Variants in BMI1 observed in about 807,000 individuals in gnomAD.
The protein encoded by BMI1 is BMI1 proto-oncogene, polycomb ring finger, also known as polycomb complex protein BMI-1.
Under a neutral mutation model 39.1 loss-of-function variants are expected in BMI1, and 9 were observed. The ratio of observed to expected loss-of-function variants is 0.23; its 90% CI spans 0.14 to 0.40. BMI1 has a LOEUF of 0.40. BMI1 is among the 10% of genes least tolerant of loss of function. The probability of loss-of-function intolerance (pLI) is 1.00; values close to 1 mark genes in which losing one functional copy is unlikely to be tolerated. For missense variants in BMI1, 252 were observed against 390.8 expected (o/e 0.64, Z 2.99); for synonymous variants, 131 against 127.9 (o/e 1.02, Z -0.16).
chr10:22,326,742 C>T, intron 2 of BMI1, 148 bp from the exon 3 acceptor site: 2 of 1,283,574 alleles, frequency 1.6e-6, no homozygotes, highest in Non-Finnish European at 2.1e-6. Context: ...TACAAGCATG[C>T]AATATATGTG....
Position 22,329,602 on chromosome 10 carries a change from C to T in BMI1, c.*60C>T. 2.6e-6 allele frequency: 4 copies of T among 1,535,082 alleles called. No homozygotes were observed. The highest frequency in any genetic ancestry group is 2.3e-5 in the East Asian group (1 of 44,274). On this transcript the variant is annotated 3_prime_UTR_variant, in exon 10 of 10. Transcript: ENST00000376663. ...CCTGATTTATATAGATATCTTCATG[C>T]CATTACAGCTTTCTAGATGCTAATA...
chr10:22,328,312 G>T (rs780596212), intron 7 of BMI1, 133 bp downstream of exon 7: 2 of 987,166 alleles, frequency 2.0e-6, no homozygotes, highest in Non-Finnish European at 2.8e-6. Flanking sequence ...TTTAAGAAAG[G>T]TCTACATGTG....
chr10:22,329,749 T>A lies in BMI1; in HGVS notation c.*207T>A. On this transcript the variant is annotated 3_prime_UTR_variant, in exon 10 of 10. Transcript: ENST00000376663. ...AAAGAAAGATTGTTGTTATAAAGAA[T>A]TGGTTTCTTGGAAAGCAGGCAAGAC... The A allele has an allele frequency of 1.6e-6, 1 of 616,000 alleles. No individual in the cohort carries two copies. The highest frequency in any genetic ancestry group is 2.7e-6 in the Non-Finnish European group (1 of 376,016). The allele number at this position is 616,000 out of a possible 1,614,324, so 38.2% of individuals were successfully genotyped here. A position where few individuals can be genotyped will look rare whatever the true frequency, so the allele number is the denominator to read the frequency against.
At position 22,329,774 on chromosome 10, in the gene BMI1, C is replaced by T; in HGVS notation, c.*232C>T. 1.9e-6 allele frequency: 1 copy of T among 536,798 alleles called. No individual in the cohort carries two copies. The highest frequency in any genetic ancestry group is 1.9e-5 in the African/African-American group (1 of 52,734). 33.3% of individuals were successfully genotyped at this position (536,798 alleles called of 1,614,324 possible). On this transcript the variant is annotated 3_prime_UTR_variant, in exon 10 of 10. Coordinates refer to ENST00000376663, the MANE Select transcript of BMI1 (RefSeq NM_005180.9). ...TTGGTTTCTTGGAAAGCAGGCAAGACTTTTTCTCTGTGTTAGGAAAGATGG... is the reference window on the plus strand; with the variant it reads ...TTGGTTTCTTGGAAAGCAGGCAAGATTTTTTCTCTGTGTTAGGAAAGATGG...
At chr10:22,326,292 C>A in intron 1 of BMI1, 139 bp from the exon 2 acceptor site, 1 of 1,168,212 alleles carries the variant, frequency 8.6e-7, no homozygotes, top group Non-Finnish European at 1.2e-6. Flanking sequence ...TGAGTAAATT[C>A]CTTCTGTAGA....
chr10:22,322,844 G>C (rs1383937901), intron 1 of BMI1, among the ~76,000 whole-genome samples: 5 of 152,228 alleles, frequency 3.3e-5, no homozygotes, highest in African/African-American at 4.8e-5. Flanking sequence ...GGGCTTGACA[G>C]TGATATGGCA....
intron 1 of BMI1, among the ~76,000 whole-genome samples, chr10:22,323,865 G>A (rs918643058): frequency 3.9e-5 from 6 of 152,202 alleles, no homozygotes; most frequent in Non-Finnish European, 8.8e-5. Flanking sequence ...ATCTTATCAA[G>A]CACGTCAAAC....
In BMI1 at chr10:22,321,316, G is replaced by C. The variant is rs1414989036; in HGVS notation, c.-400G>C. 1.3e-5 allele frequency: 2 copies of C among 153,194 alleles called. No homozygotes were observed. The highest frequency in any genetic ancestry group is 3.9e-4 in the East Asian group (2 of 5,114). 9.5% of individuals were successfully genotyped at this position (153,194 alleles called of 1,614,324 possible). On this transcript the variant is annotated 5_prime_UTR_variant, in exon 1 of 10. Coordinates refer to ENST00000376663, the MANE Select transcript of BMI1 (RefSeq NM_005180.9). The stretch of plus-strand genomic sequence containing the variant: ...CGGCTTAGCAGCACCTCCCAGCCCC[G>C]CAGAATAAAACCGATCGCGCCCCCT...
chr10:22,326,337 G>T, intron 1 of BMI1, 94 bp from the exon 2 acceptor site: 3 of 1,527,712 alleles, frequency 2.0e-6, no homozygotes, highest in African/African-American at 1.4e-5. Context: ...AGTGTTAAAT[G>T]AGTTTTATAA....
rs1836260439 is a variant in BMI1 at position 22,330,520 on chromosome 10, G to A, written c.*978G>A. The stretch of plus-strand genomic sequence containing the variant: ...CATGTTTACTTTAAAGATTGTTGCA[G>A]TGAAGAAAAACCTTTAACTGAGAAA... On this transcript the variant is annotated 3_prime_UTR_variant, in exon 10 of 10. Transcript: ENST00000376663. 1 of 152,186 alleles carries A rather than the reference G, an allele frequency of 6.6e-6. No individual in the cohort carries two copies. Among genetic ancestry groups the A allele is most frequent in the Non-Finnish European group, 1.5e-5 (1 of 68,012 alleles). 9.4% of individuals were successfully genotyped at this position (152,186 alleles called of 1,614,324 possible). A position where few individuals can be genotyped will look rare whatever the true frequency, so the allele number is the denominator to read the frequency against.
In BMI1 at chr10:22,330,711, TTTTAAA is replaced by T. The variant is rs1361604795; in HGVS notation, c.*1175_*1180del. ...ATTTTAATAGGTGGTATAGCAGTAATTTTAAATTTAAGAGTTGCTTTTACAGTTAAC... is the reference window on the plus strand; with the variant it reads ...ATTTTAATAGGTGGTATAGCAGTAATTTTAAGAGTTGCTTTTACAGTTAAC... On this transcript the variant is annotated 3_prime_UTR_variant, in exon 10 of 10. Coordinates refer to ENST00000376663, the MANE Select transcript of BMI1 (RefSeq NM_005180.9). The T allele has an allele frequency of 5.2e-5, 8 of 152,510 alleles. No homozygotes were observed. The highest frequency in any genetic ancestry group is 2.1e-4 in the South Asian group (1 of 4,834). 9.4% of individuals were successfully genotyped at this position (152,510 alleles called of 1,614,324 possible).
chr10:22,324,466 C>G (rs947014613), intron 1 of BMI1, among the ~76,000 whole-genome samples: 1 of 152,202 alleles, frequency 6.6e-6, no homozygotes. Flanking sequence ...ACAATATTCT[C>G]CAAAACAAGT....
At chr10:22,328,911 T>G in intron 8 of BMI1, 137 bp from the exon 9 acceptor site, 1 of 1,072,858 alleles carries the variant, frequency 9.3e-7, no homozygotes. Flanking sequence ...TTTTCTCATT[T>G]GAAGTTTCAG....
chr10:22,324,286 A>G (rs1836078278), intron 1 of BMI1, among the ~76,000 whole-genome samples: 1 of 152,230 alleles, frequency 6.6e-6, no homozygotes, highest in Non-Finnish European at 1.5e-5. Flanking sequence ...TCAGCTTGCT[A>G]TCTTTCTAGG....
At chr10:22,327,543 T>G (rs1163427516) in intron 3 of BMI1, 52 bp from the exon 4 acceptor site, 14 of 1,511,706 alleles carry the variant, frequency 9.3e-6, no homozygotes, top group Non-Finnish European at 1.3e-5. Context: ...TTATGAACAT[T>G]TTTAGTTCTT....
In BMI1 at chr10:22,326,921, G is replaced by A; in HGVS notation, c.144G>A (p.Glu48=). 6.2e-7 allele frequency: 1 copy of A among 1,614,024 alleles called. No homozygotes were observed. The highest frequency in any genetic ancestry group is 8.5e-7 in the Non-Finnish European group (1 of 1,179,956). Residue 48 remains glutamate (E), a synonymous_variant, in exon 3 of 10, where the codon GAG becomes GAA. Coordinates refer to ENST00000376663, the MANE Select transcript of BMI1 (RefSeq NM_005180.9). ...AAACGTGTATTGTTCGTTACCTGGAGACCAGCAAGTATTGTCCTATTTGTG... is the reference window on the plus strand; with the variant it reads ...AAACGTGTATTGTTCGTTACCTGGAAACCAGCAAGTATTGTCCTATTTGTG... ...FCKTCIVRYL[E]TSKYCPICDV...
chr10:22,321,602 C>T lies in BMI1; in HGVS notation c.-114C>T. The T allele has an allele frequency of 6.5e-6, 1 of 152,756 alleles. No homozygotes were observed. The allele number at this position is 152,756 out of a possible 1,614,324, so 9.5% of individuals were successfully genotyped here. A position where few individuals can be genotyped will look rare whatever the true frequency, so the allele number is the denominator to read the frequency against. ...GCGTCTGCAGCTCGCTTCAAGATGG[C>T]CGCTTGGCTCGCATTCATTTTCTGC... On this transcript the variant is annotated 5_prime_UTR_variant, in exon 1 of 10. Transcript: ENST00000376663.
chr10:22,327,207 C>T (rs12269392), intron 3 of BMI1, among the ~76,000 whole-genome samples: 1,536 of 151,918 alleles, frequency 0.01, 29 homozygotes, highest in African/African-American at 0.036. Flanking sequence ...TTTTTTTTTC[C>T]TAACTGTCCT....
intron 8 of BMI1, 22 bp downstream of exon 8, chr10:22,328,720 T>C (rs773679180): frequency 1.3e-6 from 2 of 1,544,664 alleles, no homozygotes; most frequent in Admixed American, 4.4e-5. Context: ...TATATTCTTC[T>C]TGCATTTTAC....
Sources: allele counts gnomAD v4.1 joint callset (sites outside exome capture counted in the v4.1 genomes callset), GRCh38; gene constraint gnomAD v4.1.1; transcripts MANE v1.5; gene names NCBI Gene and HGNC (gene_info 2026-07-23, HGNC 2026-07-21).